UBE2L6: variants seen among roughly 807,000 people sequenced by gnomAD.
UBE2L6 encodes the protein ubiquitin conjugating enzyme E2 L6, also known as ubiquitin/ISG15-conjugating enzyme E2 L6.
UBE2L6 carries 11 observed loss-of-function variants against 13.6 expected under a neutral mutation model. The observed-to-expected ratio is 0.81, with a 90% confidence interval of 0.51 to 1.34. The LOEUF is 1.34. UBE2L6 is among the 40% of genes most tolerant of loss of function. The pLI is 0.00. For synonymous variants in UBE2L6, 74 were observed against 83.2 expected (o/e 0.89, Z 0.60); for missense variants, 197 against 199.5 (o/e 0.99, Z 0.07).
intron 1 of UBE2L6, among the ~76,000 whole-genome samples, chr11:57,563,164 A>G (rs962118259): frequency 6.6e-6 from 1 of 152,122 alleles, no homozygotes; most frequent in African/African-American, 2.4e-5. Context: ...TGAAATAATT[A>G]AAAAGAATCA....
intron 1 of UBE2L6, among the ~76,000 whole-genome samples, chr11:57,562,592 G>C (rs183271847): frequency 1.3e-5 from 2 of 152,352 alleles, no homozygotes; most frequent in African/African-American, 4.8e-5. Context: ...GGGGATGCTT[G>C]TGTCACACCT....
At chr11:57,552,609 G>A (rs1416192629) in intron 3 of UBE2L6, 100 bp from the exon 4 acceptor site, 6 of 1,462,618 alleles carry the variant, frequency 4.1e-6, no homozygotes, top group South Asian at 3.7e-5. Context: ...CTCCTTGGGG[G>A]AAAGGTTACA....
chr11:57,567,868 G>A (rs1945106714), upstream of UBE2L6: 2 of 425,436 alleles, frequency 4.7e-6, no homozygotes, highest in Non-Finnish European at 8.3e-6. Context: ...GCGGAGACGG[G>A]GGCGGGCCTC....
At chr11:57,562,064 T>C (rs1945052012) in intron 1 of UBE2L6, among the ~76,000 whole-genome samples, 1 of 152,192 alleles carries the variant, frequency 6.6e-6, no homozygotes, top group Non-Finnish European at 1.5e-5. Context: ...CAAAGAATTA[T>C]CTGGCCGAAC....
At chr11:57,567,360 G>C in intron 1 of UBE2L6, 1 of 635,522 alleles carries the variant, frequency 1.6e-6, no homozygotes. Context: ...TTCACCACGC[G>C]AACGGCTCAA....
intron 2 of UBE2L6, among the ~76,000 whole-genome samples, chr11:57,555,077 G>A (rs1300113743): frequency 6.6e-6 from 1 of 152,234 alleles, no homozygotes; most frequent in Non-Finnish European, 1.5e-5. Context: ...ATAAAATGGT[G>A]CAGCTGTGAT....
chr11:57,556,259 G>T (rs940799744), intron 2 of UBE2L6, among the ~76,000 whole-genome samples: 1 of 152,098 alleles, frequency 6.6e-6, no homozygotes, highest in African/African-American at 2.4e-5. Context: ...ACCCTGCCTG[G>T]GTGTGATTCG....
At chr11:57,552,592 A>T in intron 3 of UBE2L6, 83 bp from the exon 4 acceptor site, 1 of 1,530,036 alleles carries the variant, frequency 6.5e-7, no homozygotes, top group Non-Finnish European at 9.0e-7. Context: ...CTGACACTCC[A>T]CACTCACTCC....
At chr11:57,558,354 CA>C (rs1300989898) in intron 2 of UBE2L6, among the ~76,000 whole-genome samples, 1 of 152,196 alleles carries the variant, frequency 6.6e-6, no homozygotes, top group Non-Finnish European at 1.5e-5. Context: ...GCTGGGATTA[CA>C]GGTGTAAGCC....
intron 1 of UBE2L6, 178 bp from the exon 2 acceptor site, chr11:57,560,610 C>T (rs1945034789): frequency 3.8e-6 from 2 of 526,272 alleles, no homozygotes; most frequent in African/African-American, 4.0e-5. Flanking sequence ...GGTGCTGGTG[C>T]TTTTTCTTTT....
intron 1 of UBE2L6, among the ~76,000 whole-genome samples, chr11:57,562,578 C>G (rs1945055627): frequency 1.3e-5 from 2 of 152,214 alleles, no homozygotes; most frequent in Non-Finnish European, 2.9e-5. Context: ...ATTCTGGTGA[C>G]CATGGGGATG....
intron 1 of UBE2L6, 135 bp downstream of exon 1, chr11:57,567,450 G>C (rs539008323): frequency 7.9e-7 from 1 of 1,273,812 alleles, no homozygotes; most frequent in African/African-American, 1.5e-5. Context: ...GGGCGGGGAG[G>C]ACAGGGATTC....
chr11:57,553,698 C>T (rs1279021783), intron 3 of UBE2L6, among the ~76,000 whole-genome samples: 1 of 152,012 alleles, frequency 6.6e-6, no homozygotes, highest in Non-Finnish European at 1.5e-5. Context: ...TGGTGTCATA[C>T]GCCTGTAATT....
At chr11:57,556,813 C>T (rs1945001550) in intron 2 of UBE2L6, among the ~76,000 whole-genome samples, 1 of 151,544 alleles carries the variant, frequency 6.6e-6, no homozygotes. Context: ...ACCTACGTGG[C>T]GGTGGCTCGC....
upstream of UBE2L6, chr11:57,567,739 G>A (rs1945105476): frequency 1.7e-6 from 2 of 1,180,192 alleles, no homozygotes; most frequent in East Asian, 5.8e-5. Flanking sequence ...TCCAGCCGTC[G>A]CTGCGTGGGC....
In UBE2L6 at chr11:57,564,696, G is replaced by A. The variant is rs567246937; in HGVS notation, c.27+2889C>T. On this transcript the variant is annotated intron_variant, in intron 1 of 3. Transcript: ENST00000287156. ...CGGGTGCCTGTAACCCCAGCTACTC[G>A]GGAGGCTGAGGTAAGAGAATCACTT... is the stretch of plus-strand genomic sequence containing the variant. Among the ~76,000 whole-genome samples the A allele has an allele frequency of 1.5e-3, 221 of 152,098 alleles. 1 individual carries two copies. The highest frequency in any genetic ancestry group is 5.2e-3 in the African/African-American group (214 of 41,484).
At chr11:57,552,657 G>A (rs1393406222) in intron 3 of UBE2L6, 148 bp from the exon 4 acceptor site, 3 of 1,017,330 alleles carry the variant, frequency 2.9e-6, no homozygotes, top group African/African-American at 3.2e-5. Context: ...CAAACGCCCC[G>A]CTCATTCTTG....
intron 1 of UBE2L6, chr11:57,567,369 A>G (rs1945100972): frequency 4.5e-6 from 3 of 670,078 alleles, no homozygotes; most frequent in Middle Eastern, 8.1e-4. Flanking sequence ...CGAACGGCTC[A>G]AGCAGAGGCC....
intron 3 of UBE2L6, among the ~76,000 whole-genome samples, 194 bp downstream of exon 3, chr11:57,554,243 G>A (rs1165054100): frequency 6.6e-6 from 1 of 152,190 alleles, no homozygotes; most frequent in Non-Finnish European, 1.5e-5. Flanking sequence ...CAACTGCACA[G>A]GTATAAGAAG....
Sources: gnomAD v4.1 joint callset for allele counts (sites outside exome capture counted in the v4.1 genomes callset) on GRCh38, gnomAD v4.1.1 for gene constraint, MANE v1.5 for transcripts, NCBI Gene and HGNC (gene_info 2026-07-23, HGNC 2026-07-21) for gene names.